The following BOLL variants were observed in gnomAD, a reference collection of about 807,000 sequenced individuals.
The protein encoded by BOLL is boule RNA binding protein.
In BOLL, 23 loss-of-function variants were observed where a neutral mutation model predicts 44.4. The observed-to-expected ratio is 0.52, with a 90% CI of 0.37 to 0.73. BOLL has a LOEUF of 0.73. Among genes scored for constraint, BOLL ranks in the 30% least tolerant of loss-of-function variants. The pLI is 0.00. For synonymous variants in BOLL, 97 were observed against 110.8 expected (o/e 0.88, Z 0.78); for missense variants, 287 against 338.3 (o/e 0.85, Z 1.19).
chr2:197,729,205 A>G (rs1179541579), intron 10 of BOLL, among the ~76,000 whole-genome samples: 3 of 152,194 alleles, frequency 2.0e-5, no homozygotes, highest in Non-Finnish European at 4.4e-5. Context: ...AGTCAAAGAA[A>G]GGGGTGATGG....
intron 7 of BOLL, 108 bp downstream of exon 7, chr2:197,766,424 T>C: frequency 1.1e-6 from 1 of 910,980 alleles, no homozygotes; most frequent in Non-Finnish European, 1.8e-6. Context: ...TCTAATGAAC[T>C]ATCTCTTTGT....
chr2:197,783,726 A>G (rs1341486980), intron 1 of BOLL, among the ~76,000 whole-genome samples: 1 of 152,212 alleles, frequency 6.6e-6, no homozygotes, highest in Non-Finnish European at 1.5e-5. Context: ...TTCGCTCAGT[A>G]GGATATAATG....
intron 1 of BOLL, among the ~76,000 whole-genome samples, chr2:197,784,429 TATATATATATA>T: frequency 1.0e-5 from 1 of 98,228 alleles, no homozygotes; most frequent in Non-Finnish European, 2.1e-5. Context: ...TATATATATA[TATATATATATA>T]TATATATATT....
At chr2:197,775,495 G>A (rs2106383180) in intron 5 of BOLL, among the ~76,000 whole-genome samples, 170 bp downstream of exon 5, 1 of 149,510 alleles carries the variant, frequency 6.7e-6, no homozygotes, top group East Asian at 2.0e-4. Flanking sequence ...CAAAAAAATT[G>A]AGATATATTA....
chr2:197,766,323 C>A (rs748645502), intron 7 of BOLL, among the ~76,000 whole-genome samples: 6 of 152,102 alleles, frequency 3.9e-5, no homozygotes, highest in Non-Finnish European at 8.8e-5. Context: ...TTCTCTGTAA[C>A]CTCGCCAGCA....
At chr2:197,729,316 G>A (rs1240554954) in intron 10 of BOLL, among the ~76,000 whole-genome samples, 2 of 152,284 alleles carry the variant, frequency 1.3e-5, no homozygotes, top group East Asian at 3.9e-4. Flanking sequence ...AGGGTCCTAC[G>A]CCCACGGAGT....
chr2:197,739,221 T>G (rs1236092800), intron 10 of BOLL, among the ~76,000 whole-genome samples: 4 of 152,164 alleles, frequency 2.6e-5, no homozygotes, highest in African/African-American at 9.6e-5. Context: ...GAAGTCTATT[T>G]TTTTCCATCT....
At chr2:197,764,888 A>T (rs1406426296) in intron 7 of BOLL, among the ~76,000 whole-genome samples, 1 of 152,114 alleles carries the variant, frequency 6.6e-6, no homozygotes, top group African/African-American at 2.4e-5. Context: ...ATGAGTTGCA[A>T]CTGTCATCAC....
intron 10 of BOLL, among the ~76,000 whole-genome samples, chr2:197,737,077 A>G (rs913235035): frequency 6.6e-6 from 1 of 152,018 alleles, no homozygotes; most frequent in African/African-American, 2.4e-5. Context: ...CTAGCCAGCA[A>G]CCATTTCATT....
chr2:197,773,437 T>C (rs944480133), intron 5 of BOLL, among the ~76,000 whole-genome samples: 1 of 151,932 alleles, frequency 6.6e-6, no homozygotes, highest in Non-Finnish European at 1.5e-5. Flanking sequence ...GTAGTGAAGA[T>C]AGTCATTAGT....
At chr2:197,779,153 G>A (rs1224065543) in intron 2 of BOLL, 87 bp from the exon 3 acceptor site, 1 of 995,378 alleles carries the variant, frequency 1.0e-6, no homozygotes, top group Middle Eastern at 2.9e-4. Context: ...GACAGAAAAA[G>A]TTATAGATAA....
At chr2:197,759,578 GC>G (rs749089290) in intron 7 of BOLL, among the ~76,000 whole-genome samples, 1 of 152,068 alleles carries the variant, frequency 6.6e-6, no homozygotes, top group Non-Finnish European at 1.5e-5. Context: ...TTTTCATTCT[GC>G]CAAGTACACA....
intron 4 of BOLL, among the ~76,000 whole-genome samples, chr2:197,776,427 A>G (rs1016205578): frequency 6.6e-6 from 1 of 151,932 alleles, no homozygotes; most frequent in Non-Finnish European, 1.5e-5. Context: ...AAGGTTATAT[A>G]TTGATAGGTT....
At chr2:197,750,713 C>G (rs1055078920) in intron 9 of BOLL, among the ~76,000 whole-genome samples, 3 of 152,112 alleles carry the variant, frequency 2.0e-5, no homozygotes, top group Admixed American at 2.0e-4. Flanking sequence ...CTTTAACACC[C>G]CACTGTCAAT....
chr2:197,741,791 C>T (rs1240032350), intron 10 of BOLL, among the ~76,000 whole-genome samples: 2 of 152,166 alleles, frequency 1.3e-5, no homozygotes, highest in Admixed American at 6.6e-5. Flanking sequence ...GCCATGGCAA[C>T]AAAAGCCAAA....
chr2:197,738,929 TC>T (rs1301657863), intron 10 of BOLL, among the ~76,000 whole-genome samples: 2 of 152,158 alleles, frequency 1.3e-5, no homozygotes, highest in Non-Finnish European at 2.9e-5. Flanking sequence ...TATTAAGATT[TC>T]CATGTTATAA....
chr2:197,731,786 A>T (rs1687195024), intron 10 of BOLL, among the ~76,000 whole-genome samples: 1 of 151,978 alleles, frequency 6.6e-6, no homozygotes, highest in Non-Finnish European at 1.5e-5. Flanking sequence ...GACACAACAT[A>T]CCAGAATCTC....
intron 7 of BOLL, among the ~76,000 whole-genome samples, chr2:197,765,918 TCA>T (rs1342051871): frequency 2.0e-5 from 3 of 152,092 alleles, no homozygotes; most frequent in African/African-American, 7.2e-5. Flanking sequence ...ATCATTTAGC[TCA>T]CACTTATAAG....
At chr2:197,770,736 C>T (rs531299903) in intron 6 of BOLL, among the ~76,000 whole-genome samples, 8 of 152,208 alleles carry the variant, frequency 5.3e-5, no homozygotes, top group African/African-American at 1.9e-4. Flanking sequence ...AGCCAAAAGA[C>T]ACATGAAAAA....
Sources: allele counts gnomAD v4.1 joint callset (sites outside exome capture counted in the v4.1 genomes callset), GRCh38; gene constraint gnomAD v4.1.1; transcripts MANE v1.5; gene names NCBI Gene and HGNC (gene_info 2026-07-23, HGNC 2026-07-21).